The following TBCK variants were observed in gnomAD, a reference collection of about 807,000 sequenced individuals.
TBCK encodes the protein TBC domain-containing protein kinase-like protein.
TBCK carries 99 observed loss-of-function variants against 113.4 expected under a neutral mutation model. The observed-to-expected ratio is 0.87, with a 90% CI of 0.74 to 1.03. TBCK has a LOEUF of 1.03. TBCK is among the 50% of genes least tolerant of loss of function. The probability of loss-of-function intolerance (pLI) is 0.00; values close to 1 mark genes in which losing one functional copy is unlikely to be tolerated. For synonymous variants in TBCK, 369 were observed against 370.8 expected, an observed-to-expected ratio of 1.00 and a Z score of 0.05; for missense variants, 1,045 against 1,061.3, an observed-to-expected ratio of 0.98 and a Z score of 0.21.
At chr4:106,190,843 C>T (rs916397638) in intron 22 of TBCK, among the ~76,000 whole-genome samples, 5 of 152,122 alleles carry the variant, frequency 3.3e-5, no homozygotes, top group African/African-American at 1.2e-4. Context: ...TGGGTTCATG[C>T]CATTCTCCTG....
At chr4:106,189,494 G>GTGTA (rs1312891439) in intron 22 of TBCK, among the ~76,000 whole-genome samples, 1 of 152,004 alleles carries the variant, frequency 6.6e-6, no homozygotes, top group Non-Finnish European at 1.5e-5. Context: ...CTGAACAACT[G>GTGTA]TGTACTACAG....
intron 23 of TBCK, among the ~76,000 whole-genome samples, chr4:106,166,676 A>C (rs1373124210): frequency 1.3e-5 from 2 of 151,674 alleles, no homozygotes; most frequent in Non-Finnish European, 1.5e-5. Flanking sequence ...TAGGTGCATA[A>C]ATTTTTTTAA....
chr4:106,063,493 T>C (rs1022509368), intron 25 of TBCK, among the ~76,000 whole-genome samples: 1 of 151,920 alleles, frequency 6.6e-6, no homozygotes, highest in African/African-American at 2.4e-5. Flanking sequence ...TGGTTTACAG[T>C]GTCTTATGAA....
chr4:106,182,718 A>C (rs548211318), intron 22 of TBCK: 1 of 152,126 alleles, frequency 6.6e-6, no homozygotes, highest in South Asian at 2.1e-4. Flanking sequence ...CTGTAGAAGA[A>C]GACTGAAAAT....
At chr4:106,304,371 A>G (rs1357982991) in intron 2 of TBCK, among the ~76,000 whole-genome samples, 1 of 152,146 alleles carries the variant, frequency 6.6e-6, no homozygotes, top group African/African-American at 2.4e-5. Flanking sequence ...CAGATCAGAG[A>G]TCTCAGATCC....
chr4:106,295,632 A>G (rs1766217392), intron 2 of TBCK, among the ~76,000 whole-genome samples: 1 of 152,200 alleles, frequency 6.6e-6, no homozygotes, highest in South Asian at 2.1e-4. Context: ...TCATAACTAT[A>G]GAGAAAGAAA....
chr4:106,202,316 A>T (rs1754980974), intron 20 of TBCK, among the ~76,000 whole-genome samples: 1 of 152,004 alleles, frequency 6.6e-6, no homozygotes, highest in Non-Finnish European at 1.5e-5. Flanking sequence ...TATGCTTAAA[A>T]ATACTAATAA....
At chr4:106,253,634 T>A (rs1480551149) in intron 5 of TBCK, among the ~76,000 whole-genome samples, 1 of 152,252 alleles carries the variant, frequency 6.6e-6, no homozygotes, top group Non-Finnish European at 1.5e-5. Context: ...GACTTTTTAA[T>A]GTTTAACAAT....
At chr4:106,148,669 G>C (rs1468224850) in intron 23 of TBCK, among the ~76,000 whole-genome samples, 1 of 152,170 alleles carries the variant, frequency 6.6e-6, no homozygotes, top group Non-Finnish European at 1.5e-5. Flanking sequence ...ACTGTAAACA[G>C]GTGTGCTGTC....
At chr4:106,265,632 T>C (rs1322916431) in intron 3 of TBCK, among the ~76,000 whole-genome samples, 1 of 151,774 alleles carries the variant, frequency 6.6e-6, no homozygotes, top group Non-Finnish European at 1.5e-5. Context: ...TAGTTGTTCC[T>C]TGTCGATAGA....
At chr4:106,060,687 T>G (rs919836294) in intron 25 of TBCK, among the ~76,000 whole-genome samples, 2 of 151,798 alleles carry the variant, frequency 1.3e-5, no homozygotes, top group African/African-American at 4.8e-5. Context: ...TCAGGTCTTA[T>G]TCTTTAAGAA....
chr4:106,221,107 T>C, intron 19 of TBCK, among the ~76,000 whole-genome samples: 1 of 152,134 alleles, frequency 6.6e-6, no homozygotes, highest in East Asian at 1.9e-4. Context: ...GCTGAAGAAA[T>C]CTAATCCATC....
intron 22 of TBCK, among the ~76,000 whole-genome samples, chr4:106,172,210 C>T (rs1434329472): frequency 1.3e-5 from 2 of 152,060 alleles, no homozygotes; most frequent in Admixed American, 6.6e-5. Context: ...GGTTTAAATG[C>T]ACTTGACTAA....
At chr4:106,250,322 TACTC>T in intron 7 of TBCK, 92 bp downstream of exon 7, 2 of 794,082 alleles carry the variant, frequency 2.5e-6, no homozygotes, top group South Asian at 1.7e-5. Context: ...TATTTCAGTG[TACTC>T]ACTATTTCAA....
intron 24 of TBCK, among the ~76,000 whole-genome samples, chr4:106,098,922 A>T (rs946917275): frequency 1.3e-5 from 2 of 152,086 alleles, no homozygotes; most frequent in African/African-American, 4.8e-5. Context: ...ATTAAACAGA[A>T]TTTGATAGCC....
At chr4:106,236,664 T>C in intron 13 of TBCK, 95 bp downstream of exon 13, 6 of 1,039,854 alleles carry the variant, frequency 5.8e-6, no homozygotes, top group Non-Finnish European at 6.4e-6. Flanking sequence ...ATTTTCTATT[T>C]AGGAAACATT....
intron 24 of TBCK, among the ~76,000 whole-genome samples, chr4:106,106,850 G>C (rs1243375448): frequency 6.6e-6 from 1 of 151,928 alleles, no homozygotes; most frequent in African/African-American, 2.4e-5. Flanking sequence ...TGGCAAACAG[G>C]ATAAAAAAGT....
In TBCK at chr4:106,133,737, G is replaced by A. The variant is rs186622547; in HGVS notation, c.2236-17359C>T. ...ACATGTAAGAATATTTAGGCTGGTCGTGATGGCTCACGCCTGTAATCCCAG... is the reference window on the plus strand; with the variant it reads ...ACATGTAAGAATATTTAGGCTGGTCATGATGGCTCACGCCTGTAATCCCAG... On this transcript the variant is annotated intron_variant, in intron 23 of 25. Transcript: ENST00000394708. 2.0e-3 allele frequency among the ~76,000 whole-genome samples: 299 copies of A among 152,316 alleles called. 2 individuals are homozygous for A. The highest frequency in any genetic ancestry group is 2.7e-3 in the Non-Finnish European group (184 of 68,030).
At chr4:106,231,408 T>C (rs751929289) in intron 18 of TBCK, among the ~76,000 whole-genome samples, 35 of 151,870 alleles carry the variant, frequency 2.3e-4, no homozygotes, top group Non-Finnish European at 4.0e-4. Flanking sequence ...GCTTTGGAGA[T>C]GCAAGGTTAT....
Sources: gnomAD v4.1 joint callset for allele counts (sites outside exome capture counted in the v4.1 genomes callset) on GRCh38, gnomAD v4.1.1 for gene constraint, MANE v1.5 for transcripts, NCBI Gene and HGNC (gene_info 2026-07-23, HGNC 2026-07-21) for gene names.